ADGRL3: variants seen among roughly 807,000 people sequenced by gnomAD.
ADGRL3 encodes calcium-independent alpha-latrotoxin receptor 3.
Under a neutral mutation model 153.5 loss-of-function variants are expected in ADGRL3, and 62 were observed. That is an observed-to-expected ratio of 0.40 (90% CI 0.33 to 0.50). The LOEUF (loss-of-function observed/expected upper bound fraction) is 0.50, where lower values mean the gene tolerates loss of function less well. ADGRL3 is among the 20% of genes least tolerant of loss of function. The pLI is 0.47. For missense variants in ADGRL3, 1,641 were observed against 1,859.4 expected (o/e 0.88, Z 2.16); for synonymous variants, 710 against 672.5 (o/e 1.06, Z -0.86).
At chr4:61,472,436 C>G (rs1357098317) in intron 2 of ADGRL3, among the ~76,000 whole-genome samples, 1 of 152,068 alleles carries the variant, frequency 6.6e-6, no homozygotes, top group Non-Finnish European at 1.5e-5. Flanking sequence ...AATCCACTTC[C>G]AAGCTTATTC....
At chr4:61,866,723 C>T (rs111229179) in intron 9 of ADGRL3, among the ~76,000 whole-genome samples, 3 of 152,148 alleles carry the variant, frequency 2.0e-5, no homozygotes, top group African/African-American at 7.2e-5. Flanking sequence ...GAAGACTCTT[C>T]TGGCATTAAC....
chr4:61,928,049 T>G (rs2098801868), intron 13 of ADGRL3, among the ~76,000 whole-genome samples: 1 of 150,676 alleles, frequency 6.6e-6, no homozygotes, highest in Non-Finnish European at 1.5e-5. Flanking sequence ...ATAATAAAAA[T>G]AATAATATAA....
At chr4:61,462,201 C>T (rs899106841) in intron 2 of ADGRL3, among the ~76,000 whole-genome samples, 1 of 152,088 alleles carries the variant, frequency 6.6e-6, no homozygotes, top group Non-Finnish European at 1.5e-5. Context: ...TAAGTTACAG[C>T]CTATGTATTG....
At chr4:61,932,378 T>C (rs903251564) in intron 13 of ADGRL3, among the ~76,000 whole-genome samples, 1 of 152,142 alleles carries the variant, frequency 6.6e-6, no homozygotes, top group African/African-American at 2.4e-5. Flanking sequence ...TTGTTGAGCT[T>C]TTATCATGAA....
chr4:61,404,838 T>C (rs1246434134), intron 2 of ADGRL3, among the ~76,000 whole-genome samples: 1 of 152,046 alleles, frequency 6.6e-6, no homozygotes, highest in African/African-American at 2.4e-5. Context: ...GGCTTAGATG[T>C]AAAGCTTTTT....
At chr4:61,532,551 C>CTTGT (rs1553956719) in intron 4 of ADGRL3, among the ~76,000 whole-genome samples, 1 of 130,224 alleles carries the variant, frequency 7.7e-6, no homozygotes, top group African/African-American at 2.9e-5. Flanking sequence ...CGCGCGCGCG[C>CTTGT]GCGCGTGTGT....
rs1214550818 is a variant in ADGRL3, at chr4:62,073,284, T to G, written c.*2376T>G. The G allele has an allele frequency of 6.6e-6, 1 of 152,184 alleles. No homozygotes were observed. Among genetic ancestry groups the G allele is most frequent in the Non-Finnish European group, 1.5e-5 (1 of 68,008 alleles). 9.4% of individuals were successfully genotyped at this position (152,184 alleles called of 1,614,324 possible). On this transcript the variant is annotated 3_prime_UTR_variant, in exon 27 of 27. Transcript: ENST00000683033. Reference sequence around the variant, plus strand: ...TCACCTCAAAATATTTTATGTCTCATTCTTTTTTAGTGAATTGGCATGAAT... The same window carrying G: ...TCACCTCAAAATATTTTATGTCTCAGTCTTTTTTAGTGAATTGGCATGAAT...
At chr4:62,037,072 G>A (rs1725420565) in intron 23 of ADGRL3, among the ~76,000 whole-genome samples, 1 of 151,994 alleles carries the variant, frequency 6.6e-6, no homozygotes, top group Non-Finnish European at 1.5e-5. Flanking sequence ...TGATTATTGA[G>A]TAGAACTATT....
intron 6 of ADGRL3, among the ~76,000 whole-genome samples, chr4:61,692,482 A>T (rs1198950914): frequency 7.0e-6 from 1 of 143,482 alleles, no homozygotes; most frequent in African/African-American, 2.6e-5. Flanking sequence ...TTGCTTTGTC[A>T]CCTAGGTTGG....
chr4:61,245,443 C>T (rs2149372869), intron 1 of ADGRL3, among the ~76,000 whole-genome samples: 1 of 152,222 alleles, frequency 6.6e-6, no homozygotes, highest in South Asian at 2.1e-4. Flanking sequence ...TTATAGTCTG[C>T]CACTTCCTCC....
At chr4:61,482,395 A>T (rs543928745) in intron 2 of ADGRL3, among the ~76,000 whole-genome samples, 1 of 152,184 alleles carries the variant, frequency 6.6e-6, no homozygotes, top group Non-Finnish European at 1.5e-5. Context: ...TGGATTTTCC[A>T]TCACAGTCAA....
chr4:61,277,019 CT>C (rs1048870697), intron 1 of ADGRL3, among the ~76,000 whole-genome samples: 55 of 152,178 alleles, frequency 3.6e-4, no homozygotes, highest in African/African-American at 1.2e-3. Context: ...AAACTACCCC[CT>C]ATTTCATTTG....
At chr4:61,575,835 T>C (rs2098874193) in intron 4 of ADGRL3, among the ~76,000 whole-genome samples, 1 of 152,068 alleles carries the variant, frequency 6.6e-6, no homozygotes, top group African/African-American at 2.4e-5. Context: ...TTTATTTTAA[T>C]CTAGTCTAGA....
chr4:61,471,366 A>G (rs2097951489), intron 2 of ADGRL3, among the ~76,000 whole-genome samples: 1 of 151,914 alleles, frequency 6.6e-6, no homozygotes, highest in African/African-American at 2.4e-5. Flanking sequence ...ATTATTATAA[A>G]ATAGAAAATA....
intron 1 of ADGRL3, among the ~76,000 whole-genome samples, chr4:61,341,099 GAC>G (rs1050899978): frequency 2.0e-5 from 3 of 151,694 alleles, no homozygotes; most frequent in Non-Finnish European, 4.4e-5. Flanking sequence ...TATATATATA[GAC>G]ACACACACAC....
chr4:61,617,020 C>A (rs2092078357), intron 5 of ADGRL3, among the ~76,000 whole-genome samples: 1 of 152,010 alleles, frequency 6.6e-6, no homozygotes. Context: ...CTGATTTATC[C>A]TTAAAATAAT....
chr4:61,909,389 A>C (rs1036201770), intron 11 of ADGRL3, among the ~76,000 whole-genome samples, 171 bp from the exon 12 acceptor site: 2 of 152,234 alleles, frequency 1.3e-5, no homozygotes, highest in African/African-American at 4.8e-5. Context: ...TTTTCAAGAA[A>C]AAGATTAATT....
intron 5 of ADGRL3, among the ~76,000 whole-genome samples, chr4:61,653,772 A>T (rs1211032786): frequency 6.6e-6 from 1 of 152,038 alleles, no homozygotes; most frequent in African/African-American, 2.4e-5. Flanking sequence ...GATATCATTC[A>T]CCTCTCTTGG....
chr4:61,586,144 T>C (rs1579689348), intron 4 of ADGRL3, among the ~76,000 whole-genome samples: 1 of 152,186 alleles, frequency 6.6e-6, no homozygotes, highest in East Asian at 1.9e-4. Context: ...ATAGAAAGTA[T>C]TCATTTTCAA....
Sources: allele counts gnomAD v4.1 joint callset (sites outside exome capture counted in the v4.1 genomes callset), GRCh38; gene constraint gnomAD v4.1.1; transcripts MANE v1.5; gene names NCBI Gene and HGNC (gene_info 2026-07-23, HGNC 2026-07-21).